The following PRKCE variants were observed in gnomAD, a reference collection of about 807,000 sequenced individuals.
PRKCE encodes protein kinase C epsilon type.
PRKCE carries 16 observed loss-of-function variants against 85.4 expected under a neutral mutation model. The observed-to-expected ratio is 0.19, with a 90% confidence interval of 0.13 to 0.28. PRKCE has a LOEUF of 0.28. Ranked by LOEUF, PRKCE falls within the 10% of genes least tolerant of loss-of-function variation. The pLI is 1.00. For synonymous variants in PRKCE, 388 were observed against 371.5 expected (o/e 1.04, Z -0.51); for missense variants, 573 against 975.2 (o/e 0.59, Z 5.49).
chr2:46,119,542 C>A (rs1273887796), intron 11 of PRKCE, among the ~76,000 whole-genome samples: 2 of 152,194 alleles, frequency 1.3e-5, no homozygotes. Flanking sequence ...AATTTCTAAT[C>A]TTTCTAGGCT....
intron 1 of PRKCE, among the ~76,000 whole-genome samples, chr2:45,793,146 G>A (rs1002030373): frequency 3.3e-5 from 5 of 152,212 alleles, no homozygotes; most frequent in South Asian, 2.1e-4. Context: ...TTTAAGCAGG[G>A]CAGAGAAGAG....
chr2:46,085,870 GC>G (rs1202347468), intron 10 of PRKCE, among the ~76,000 whole-genome samples: 3 of 150,732 alleles, frequency 2.0e-5, no homozygotes. Flanking sequence ...GACAACTGGA[GC>G]CCCAAAAGGG....
At chr2:45,721,442 T>C (rs1012720332) in intron 1 of PRKCE, among the ~76,000 whole-genome samples, 1 of 151,892 alleles carries the variant, frequency 6.6e-6, no homozygotes, top group Admixed American at 6.6e-5. Flanking sequence ...GTCAGGGGAG[T>C]GCAGAAGGTG....
At chr2:45,803,013 A>G (rs549893904) in intron 1 of PRKCE, among the ~76,000 whole-genome samples, 27 of 152,362 alleles carry the variant, frequency 1.8e-4, no homozygotes, top group Admixed American at 7.8e-4. Context: ...TTTGGCTCAC[A>G]GTATGAAAGG....
In PRKCE at chr2:45,753,116, T is replaced by TCTG. The variant is rs534151599; in HGVS notation, c.349-89883_349-89882insTGC. On this transcript the variant is annotated intron_variant, in intron 1 of 14. Coordinates refer to ENST00000306156, the MANE Select transcript of PRKCE (RefSeq NM_005400.3). ...GGGTGTATGCATGTATATACCGCTG[T>TCTG]CGTGTGTTTAACAGGCTCAGGGTAA... Among the ~76,000 whole-genome samples, 106 of 152,270 alleles carry TCTG rather than the reference T, an allele frequency of 7.0e-4. No homozygotes were observed. In the South Asian group the frequency reaches 8.1e-3, roughly 12 times the overall value.
chr2:45,928,593 G>T (rs968755122), intron 2 of PRKCE, among the ~76,000 whole-genome samples: 22 of 152,156 alleles, frequency 1.4e-4, no homozygotes, highest in Admixed American at 1.4e-3. Flanking sequence ...TTCTCTGGAC[G>T]TACTGTTTCA....
At chr2:46,115,555 C>T (rs1672687233) in intron 11 of PRKCE, among the ~76,000 whole-genome samples, 2 of 152,202 alleles carry the variant, frequency 1.3e-5, no homozygotes, top group Admixed American at 1.3e-4. Flanking sequence ...AAGCCTTTAT[C>T]ATCTAATCTC....
chr2:46,165,062 G>A (rs990885712), intron 14 of PRKCE, among the ~76,000 whole-genome samples: 26 of 152,064 alleles, frequency 1.7e-4, no homozygotes, highest in African/African-American at 6.0e-4. Context: ...CTGCTCCCCC[G>A]GCTCCTAAGC....
intron 2 of PRKCE, among the ~76,000 whole-genome samples, chr2:45,948,690 T>G (rs932898717): frequency 1.3e-5 from 2 of 152,066 alleles, no homozygotes; most frequent in Non-Finnish European, 2.9e-5. Context: ...AACATCAGAG[T>G]CAGTTCAAGT....
chr2:45,763,206 G>A (rs1191747518), intron 1 of PRKCE, among the ~76,000 whole-genome samples: 4 of 152,012 alleles, frequency 2.6e-5, no homozygotes, highest in Admixed American at 6.6e-5. Flanking sequence ...CTCCCACCTC[G>A]GCCTCCCAAA....
intron 2 of PRKCE, among the ~76,000 whole-genome samples, chr2:45,922,795 C>T (rs1050131545): frequency 2.0e-5 from 3 of 152,184 alleles, no homozygotes; most frequent in Admixed American, 1.3e-4. Context: ...ACAGTGCAAA[C>T]GGGTGTATCT....
chr2:45,880,982 T>C (rs1293227837), intron 2 of PRKCE, among the ~76,000 whole-genome samples: 1 of 151,618 alleles, frequency 6.6e-6, no homozygotes, highest in Non-Finnish European at 1.5e-5. Flanking sequence ...TGAAACCCCG[T>C]CTCTACTAAA....
At chr2:46,100,194 C>T (rs950448037) in intron 11 of PRKCE, among the ~76,000 whole-genome samples, 6 of 152,080 alleles carry the variant, frequency 3.9e-5, no homozygotes, top group African/African-American at 1.4e-4. Context: ...GTAACTGATC[C>T]CAAGTAACAA....
At chr2:45,835,477 T>C (rs918866940) in intron 1 of PRKCE, among the ~76,000 whole-genome samples, 2 of 152,192 alleles carry the variant, frequency 1.3e-5, no homozygotes, top group Admixed American at 6.5e-5. Flanking sequence ...TTTTTGTTAT[T>C]GTAGGTTTGT....
At chr2:46,017,962 C>T (rs969504928) in intron 10 of PRKCE, among the ~76,000 whole-genome samples, 2 of 152,190 alleles carry the variant, frequency 1.3e-5, no homozygotes, top group African/African-American at 4.8e-5. Flanking sequence ...TTCTCCACTT[C>T]AAATAGCCTC....
intron 2 of PRKCE, among the ~76,000 whole-genome samples, chr2:45,951,813 ACT>A (rs1397823575): frequency 6.6e-6 from 1 of 151,902 alleles, no homozygotes; most frequent in African/African-American, 2.4e-5. Context: ...GTTGATCCAG[ACT>A]CTCAGACTCT....
At chr2:46,064,340 C>A (rs550921400) in intron 10 of PRKCE, among the ~76,000 whole-genome samples, 1 of 150,776 alleles carries the variant, frequency 6.6e-6, no homozygotes, top group Non-Finnish European at 1.5e-5. Flanking sequence ...AAAATATAGT[C>A]GTTCTCCTTC....
At chr2:46,035,189 C>T (rs973121691) in intron 10 of PRKCE, among the ~76,000 whole-genome samples, 7 of 152,214 alleles carry the variant, frequency 4.6e-5, no homozygotes, top group African/African-American at 9.7e-5. Context: ...CCAGGTGTCC[C>T]CATACACCAC....
intron 1 of PRKCE, among the ~76,000 whole-genome samples, chr2:45,771,711 G>GTA (rs199665429): frequency 0.022 from 1,901 of 87,054 alleles, 39 homozygotes; most frequent in African/African-American, 0.054. Flanking sequence ...GCGTGTGTGT[G>GTA]TGTGTGTGTG....
Sources: allele counts gnomAD v4.1 joint callset (sites outside exome capture counted in the v4.1 genomes callset), GRCh38; gene constraint gnomAD v4.1.1; transcripts MANE v1.5; gene names NCBI Gene and HGNC (gene_info 2026-07-23, HGNC 2026-07-21).